Variants in PARP15 observed in about 807,000 individuals in gnomAD.
PARP15 encodes the protein poly(ADP-ribose) polymerase family member 15.
PARP15 carries 50 observed loss-of-function variants against 62.1 expected under a neutral mutation model. That is an observed-to-expected ratio of 0.81 (90% CI 0.64 to 1.02). The LOEUF (loss-of-function observed/expected upper bound fraction) is 1.02, where lower values mean the gene tolerates loss of function less well. Among genes scored for constraint, PARP15 ranks in the 50% least tolerant of loss-of-function variants. PARP15 has a pLI of 0.00. For synonymous variants in PARP15, 309 were observed against 293.1 expected, an observed-to-expected ratio of 1.05 and a Z score of -0.55; for missense variants, 820 against 826.5, an observed-to-expected ratio of 0.99 and a Z score of 0.10.
intron 5 of PARP15, 109 bp downstream of exon 5, chr3:122,615,966 A>C: frequency 1.9e-6 from 2 of 1,048,854 alleles, no homozygotes; most frequent in Non-Finnish European, 2.9e-6. Context: ...TGAAGAACAA[A>C]TCTGTGATGG....
chr3:122,591,589 CAT>C (rs1933919249), intron 1 of PARP15, among the ~76,000 whole-genome samples: 1 of 152,014 alleles, frequency 6.6e-6, no homozygotes, highest in Non-Finnish European at 1.5e-5. Context: ...GGTGAAACTG[CAT>C]CTCTACTAAA....
In PARP15 at chr3:122,636,168, C is replaced by T; in HGVS notation, c.*68C>T. The T allele has an allele frequency of 6.8e-7, 1 of 1,476,584 alleles. No homozygotes were observed. The allele number at this position is 1,476,584 out of a possible 1,614,324, so 91.5% of individuals were successfully genotyped here. On this transcript the variant is annotated 3_prime_UTR_variant, in exon 12 of 12. Transcript: ENST00000464300. ...GAACAACATGCAATCTTTGTCTTTGCTTCTGGCCTGTGTAAGCAGATGAAA... is the reference window on the plus strand; with the variant it reads ...GAACAACATGCAATCTTTGTCTTTGTTTCTGGCCTGTGTAAGCAGATGAAA...
chr3:122,611,464 GA>G (rs2107537066), intron 3 of PARP15, among the ~76,000 whole-genome samples: 1 of 151,538 alleles, frequency 6.6e-6, no homozygotes, highest in African/African-American at 2.4e-5. Context: ...TCAGCCTCCT[GA>G]ATAGCTGGGA....
In PARP15 at chr3:122,634,334, T is replaced by C. The variant is rs978262284; in HGVS notation, c.1573-686T>C. 2.8e-4 allele frequency among the ~76,000 whole-genome samples: 43 copies of C among 152,156 alleles called. 1 individual carries two copies. Among genetic ancestry groups the C allele is most frequent in the Admixed American group, 7.9e-4 (12 of 15,266 alleles). On this transcript the variant is annotated intron_variant, in intron 10 of 11. Transcript: ENST00000464300. The stretch of plus-strand genomic sequence containing the variant: ...CACCCCCATGCCATTAGACTGAATG[T>C]TTCATGAGGACAGAGACCCAACACA...
chr3:122,586,874 A>G (rs1015896731), intron 1 of PARP15, among the ~76,000 whole-genome samples: 2 of 152,182 alleles, frequency 1.3e-5, no homozygotes, highest in African/African-American at 4.8e-5. Flanking sequence ...GATTTTGACA[A>G]TGTTTAATAA....
chr3:122,580,118 G>GA (rs1409885180), intron 1 of PARP15, among the ~76,000 whole-genome samples: 1 of 149,570 alleles, frequency 6.7e-6, no homozygotes, highest in African/African-American at 2.5e-5. Flanking sequence ...AAGCACACTT[G>GA]AAAACAAAGT....
At chr3:122,586,136 T>C (rs749335010) in intron 1 of PARP15, among the ~76,000 whole-genome samples, 8 of 152,252 alleles carry the variant, frequency 5.3e-5, no homozygotes, top group Middle Eastern at 3.2e-3. Context: ...TTTAATTTTC[T>C]TCATAATAAA....
chr3:122,609,669 G>T (rs1290219486), intron 2 of PARP15, among the ~76,000 whole-genome samples: 2 of 149,904 alleles, frequency 1.3e-5, no homozygotes, highest in African/African-American at 5.0e-5. Context: ...CTGCACTCCA[G>T]CCCTGGGAAC....
At chr3:122,613,814 CTTTTTTT>C (rs747039553) in intron 4 of PARP15, among the ~76,000 whole-genome samples, 3 of 90,738 alleles carry the variant, frequency 3.3e-5, no homozygotes, top group African/African-American at 1.3e-4. Context: ...TGAATCTCAG[CTTTTTTT>C]TTTTTTTTTT....
intron 1 of PARP15, among the ~76,000 whole-genome samples, chr3:122,579,999 GTATATATATATATATATATA>G (rs59527124): frequency 2.6e-4 from 17 of 64,476 alleles, no homozygotes; most frequent in Non-Finnish European, 3.3e-4. Flanking sequence ...GCAACTATAT[GTATATATATATATATATATA>G]TATATATATA....
rs146614423 is a variant in PARP15, at chr3:122,594,807, T to TCCTCAGAA, written c.187-11125_187-11118dup. ...CATGGAAGTTCAGCAACTTCAGATT[T>TCCTCAGAA]CCTCAGAACCTTTGGAACAGACAAC... is the stretch of plus-strand genomic sequence containing the variant. On this transcript the variant is annotated intron_variant, in intron 1 of 11. Coordinates refer to ENST00000464300, the MANE Select transcript of PARP15 (RefSeq NM_001113523.3). 2.5e-3 allele frequency: 2,483 copies of TCCTCAGAA among 982,158 alleles called. 44 individuals carry two copies. In the African/African-American group the frequency reaches 0.038, roughly 15 times the overall value. The allele number at this position is 982,158 out of a possible 1,614,324, so 60.8% of individuals were successfully genotyped here. A position where few individuals can be genotyped will look rare whatever the true frequency, so the allele number is the denominator to read the frequency against.
intron 1 of PARP15, among the ~76,000 whole-genome samples, chr3:122,605,068 A>G (rs1041241105): frequency 6.6e-6 from 1 of 152,002 alleles, no homozygotes; most frequent in Non-Finnish European, 1.5e-5. Flanking sequence ...AAAGAAAGTA[A>G]AGGAAACTGG....
intron 1 of PARP15, among the ~76,000 whole-genome samples, chr3:122,595,146 A>G (rs550019061): frequency 1.6e-4 from 24 of 152,312 alleles, no homozygotes; most frequent in East Asian, 5.8e-4. Flanking sequence ...AACAGGTTCT[A>G]TGGGGATCTA....
rs1937464029 is a variant in PARP15 at position 122,638,195 on chromosome 3, A to G, written c.*2095A>G. On this transcript the variant is annotated 3_prime_UTR_variant, in exon 12 of 12. Transcript: ENST00000464300. ...GTGCCACATTTTCTTAATCCAGTCT[A>G]TCATTGTTGGACATTTGGGTTGGTT... 1 of 152,028 alleles carries G rather than the reference A, an allele frequency of 6.6e-6. No individual in the cohort carries two copies. The highest frequency in any genetic ancestry group is 1.5e-5 in the Non-Finnish European group (1 of 68,016). 9.4% of individuals were successfully genotyped at this position (152,028 alleles called of 1,614,324 possible).
Position 122,613,043 on chromosome 3 carries a change from C to A in PARP15, c.546C>A (p.Ile182=). ...TAAATGTACTTTGCACATTTCAGAT[C>A]ATGGCAAATATAATCAAGAAATGTT... ...WNNGAETSWQ[I]MANIIKKCLT... The change falls in exon 4 of 12, where the codon ATC becomes ATA. Residue 182 remains isoleucine, a splice_region_variant and synonymous_variant. Coordinates refer to ENST00000464300, the MANE Select transcript of PARP15 (RefSeq NM_001113523.3). 1.3e-6 allele frequency: 2 copies of A among 1,550,118 alleles called. No homozygotes were observed. Among genetic ancestry groups the A allele is most frequent in the South Asian group, 2.4e-5 (2 of 83,966 alleles).
At chr3:122,585,226 C>A (rs1338781129) in intron 1 of PARP15, among the ~76,000 whole-genome samples, 1 of 152,126 alleles carries the variant, frequency 6.6e-6, no homozygotes, top group African/African-American at 2.4e-5. Context: ...GTGCTTAAAT[C>A]TACCTAGCTA....
At chr3:122,635,748 G>GTTTTCTACA in intron 11 of PARP15, 63 bp from the exon 12 acceptor site, 2 of 1,516,690 alleles carry the variant, frequency 1.3e-6, no homozygotes. Flanking sequence ...GTCAGATTGG[G>GTTTTCTACA]CATGGTTCTA....
intron 9 of PARP15, among the ~76,000 whole-genome samples, chr3:122,627,607 C>T (rs1262807391): frequency 6.6e-6 from 1 of 152,200 alleles, no homozygotes; most frequent in African/African-American, 2.4e-5. Context: ...GGCATTTGTA[C>T]TGCTATTAAA....
chr3:122,579,053 T>C (rs542363316), intron 1 of PARP15, among the ~76,000 whole-genome samples: 1 of 152,330 alleles, frequency 6.6e-6, no homozygotes, highest in African/African-American at 2.4e-5. Context: ...TTTTTGTGTG[T>C]GTATGTTAAG....
Sources: allele counts gnomAD v4.1 joint callset (sites outside exome capture counted in the v4.1 genomes callset), GRCh38; gene constraint gnomAD v4.1.1; transcripts MANE v1.5; gene names NCBI Gene and HGNC (gene_info 2026-07-23, HGNC 2026-07-21).